Variants in SAMSN1 observed in about 807,000 individuals in gnomAD.
SAMSN1 encodes SAM domain, SH3 domain and nuclear localization signals 1, also known as SAM domain-containing protein SAMSN-1.
A neutral mutation model predicts 42.0 loss-of-function variants in SAMSN1; 31 were observed. The ratio of observed to expected loss-of-function variants is 0.74; its 90% CI spans 0.55 to 1.00. SAMSN1 has a LOEUF of 1.00. SAMSN1 is among the 50% of genes least tolerant of loss of function. SAMSN1 has a pLI of 0.00. For synonymous variants in SAMSN1, 178 were observed against 151.9 expected, an observed-to-expected ratio of 1.17 and a Z score of -1.26; for missense variants, 464 against 439.4, an observed-to-expected ratio of 1.06 and a Z score of -0.50.
At chr21:14,625,516 C>T (rs933549679) in intron 2 of SAMSN1, among the ~76,000 whole-genome samples, 1 of 152,282 alleles carries the variant, frequency 6.6e-6, no homozygotes, top group Non-Finnish European at 1.5e-5. Context: ...CATGAGTGAA[C>T]TCCCATTCAC....
At chr21:14,597,501 T>C (rs1352969497) in intron 6 of SAMSN1, among the ~76,000 whole-genome samples, 1 of 152,180 alleles carries the variant, frequency 6.6e-6, no homozygotes, top group African/African-American at 2.4e-5. Flanking sequence ...GTTTAGTTTG[T>C]GCAATAAGAG....
intron 1 of SAMSN1, among the ~76,000 whole-genome samples, chr21:14,647,960 T>G: frequency 6.6e-6 from 1 of 151,422 alleles, no homozygotes; most frequent in East Asian, 1.9e-4. Context: ...CCTCTTTTCC[T>G]AATTGAATAC....
At chr21:14,511,555 A>T (rs935043235) in intron 4 of SAMSN1, among the ~76,000 whole-genome samples, 3 of 152,364 alleles carry the variant, frequency 2.0e-5, no homozygotes, top group African/African-American at 7.2e-5. Context: ...AATAAAACTC[A>T]GGATATTTGA....
intron 4 of SAMSN1, among the ~76,000 whole-genome samples, chr21:14,610,714 G>C (rs1412010089): frequency 6.6e-6 from 1 of 152,080 alleles, no homozygotes; most frequent in Non-Finnish European, 1.5e-5. Flanking sequence ...TAGACAAATA[G>C]AAAATAACAC....
At chr21:14,494,300 G>T (rs1986817579) in intron 7 of SAMSN1, among the ~76,000 whole-genome samples, 1 of 152,138 alleles carries the variant, frequency 6.6e-6, no homozygotes, top group Non-Finnish European at 1.5e-5. Context: ...GCAAAGAATT[G>T]CAACCAACCC....
chr21:14,539,425 G>A (rs1423616335), intron 1 of SAMSN1, among the ~76,000 whole-genome samples: 1 of 152,148 alleles, frequency 6.6e-6, no homozygotes, highest in African/African-American at 2.4e-5. Context: ...TCCTTAAGCT[G>A]ATAGGCAACT....
chr21:14,631,934 G>C (rs1346546131), intron 2 of SAMSN1, among the ~76,000 whole-genome samples: 2 of 151,890 alleles, frequency 1.3e-5, no homozygotes, highest in African/African-American at 4.8e-5. Context: ...GAAGAAAAAA[G>C]AGAAGTAGGA....
chr21:14,588,935 T>A (rs1370318272), intron 7 of SAMSN1, among the ~76,000 whole-genome samples: 1 of 152,186 alleles, frequency 6.6e-6, no homozygotes, highest in Admixed American at 6.5e-5. Flanking sequence ...ATGGTAATTA[T>A]ATGTTAATGT....
chr21:14,625,102 A>G (rs1983129612), intron 2 of SAMSN1, among the ~76,000 whole-genome samples: 1 of 152,148 alleles, frequency 6.6e-6, no homozygotes, highest in African/African-American at 2.4e-5. Context: ...AACTCTCAAT[A>G]AATTAGGTAT....
chr21:14,653,314 T>A (rs753235268), intron 1 of SAMSN1, among the ~76,000 whole-genome samples: 2 of 151,976 alleles, frequency 1.3e-5, no homozygotes, highest in African/African-American at 4.8e-5. Context: ...GGTTCAATCA[T>A]CAAAAAAGAA....
At chr21:14,636,618 G>A (rs934259877) in intron 2 of SAMSN1, among the ~76,000 whole-genome samples, 1 of 152,086 alleles carries the variant, frequency 6.6e-6, no homozygotes, top group African/African-American at 2.4e-5. Context: ...CGAGGCAGGC[G>A]GATCACGAGG....
intron 6 of SAMSN1, chr21:14,594,593 T>G (rs1982200859): frequency 6.6e-6 from 1 of 152,348 alleles, no homozygotes; most frequent in African/African-American, 2.4e-5. Context: ...GTGTGGGATG[T>G]CTTTTATTAC....
chr21:14,561,056 G>A (rs1281560209), intron 2 of SAMSN1, among the ~76,000 whole-genome samples: 1 of 152,086 alleles, frequency 6.6e-6, no homozygotes, highest in African/African-American at 2.4e-5. Context: ...GGGTCATGTA[G>A]CCAGAGGTTA....
chr21:14,547,607 A>G (rs1001608069), upstream of SAMSN1, among the ~76,000 whole-genome samples: 7 of 152,134 alleles, frequency 4.6e-5, no homozygotes, highest in African/African-American at 1.7e-4. Context: ...GTAGTGCCAT[A>G]TTCTTAATCA....
intron 7 of SAMSN1, chr21:14,592,585 G>T: frequency 3.0e-6 from 1 of 337,298 alleles, no homozygotes. Flanking sequence ...AATATCCTTG[G>T]GGACATTTGA....
At chr21:14,555,481 AGG>A (rs1980735636) in intron 2 of SAMSN1, among the ~76,000 whole-genome samples, 1 of 152,192 alleles carries the variant, frequency 6.6e-6, no homozygotes, top group Admixed American at 6.5e-5. Flanking sequence ...AACATATAGC[AGG>A]TATTGATTCC....
chr21:14,622,465 C>T (rs574735267), intron 2 of SAMSN1, among the ~76,000 whole-genome samples: 14 of 152,298 alleles, frequency 9.2e-5, no homozygotes, highest in East Asian at 5.8e-4. Flanking sequence ...ACAAGAACTA[C>T]GTGACGAATC....
chr21:14,639,752 T>A (rs1479699432), intron 2 of SAMSN1, among the ~76,000 whole-genome samples: 2 of 9,148 alleles, frequency 2.2e-4, no homozygotes, highest in Non-Finnish European at 9.1e-4. Context: ...AATATGTTAG[T>A]TTTTTTTTCA....
Position 14,609,210 on chromosome 21 carries a change from T to C in SAMSN1, c.322+272A>G, listed in dbSNP as rs139180794. On this transcript the variant is annotated intron_variant, in intron 5 of 15. Coordinates refer to the SAMSN1 transcript ENST00000647101. ...TTAAAACTTTCAGTTTTCTTTTCAATTGCTTATTTGCTTCAGCAGGCAACT... is the reference window on the plus strand; with the variant it reads ...TTAAAACTTTCAGTTTTCTTTTCAACTGCTTATTTGCTTCAGCAGGCAACT... Among the ~76,000 whole-genome samples the C allele has an allele frequency of 6.2e-3, 946 of 152,244 alleles. 6 individuals are homozygous for C. The highest frequency in any genetic ancestry group is 0.014 in the Middle Eastern group (4 of 294).
Sources: allele counts gnomAD v4.1 joint callset (sites outside exome capture counted in the v4.1 genomes callset), GRCh38; gene constraint gnomAD v4.1.1; transcripts MANE v1.5; gene names NCBI Gene and HGNC (gene_info 2026-07-23, HGNC 2026-07-21).